Variants in ABCA8 observed in about 807,000 individuals in gnomAD.
ABCA8 encodes ATP binding cassette subfamily A member 8.
A neutral mutation model predicts 192.3 loss-of-function variants in ABCA8; 177 were observed. That is an observed-to-expected ratio of 0.92 (90% confidence interval 0.81 to 1.04). The LOEUF (loss-of-function observed/expected upper bound fraction) is 1.04. ABCA8 is among the 50% of genes least tolerant of loss of function. The pLI, the probability that ABCA8 is intolerant of heterozygous loss-of-function variation, is 0.00. For missense variants in ABCA8, 1,915 were observed against 1,904.8 expected (o/e 1.01, Z -0.10); for synonymous variants, 642 against 690.2 (o/e 0.93, Z 1.09).
intron 10 of ABCA8, among the ~76,000 whole-genome samples, chr17:68,925,675 A>G (rs558643463): frequency 1.6e-4 from 25 of 152,204 alleles, no homozygotes; most frequent in African/African-American, 5.5e-4. Context: ...AATGTCTTAC[A>G]CTCTCTGTAT....
Position 68,887,085 on chromosome 17 carries a change from A to G in ABCA8, c.3361T>C (p.Tyr1121His), listed in dbSNP as rs776663511. The G allele has an allele frequency of 3.7e-6, 6 of 1,612,950 alleles. No individual in the cohort carries two copies. Among genetic ancestry groups the G allele is most frequent in the Non-Finnish European group, 5.1e-6 (6 of 1,179,548 alleles). Residue 1121 changes from tyrosine to histidine, a missense_variant, in exon 26 of 40, where the codon TAC (tyrosine) becomes CAC (histidine). Transcript: ENST00000586539. ...TTGCGAAAGATGAAGGAAATCACGT[A>G]TGTCATGAAGATGAGGGAAAAGGAA... Reference protein sequence around the residue: ...GYSFSLIFMTYVISFIFRKGR... With the variant: ...GYSFSLIFMTHVISFIFRKGR...
chr17:68,940,659 T>G, intron 4 of ABCA8, 99 bp downstream of exon 4: 1 of 1,145,706 alleles, frequency 8.7e-7, no homozygotes, highest in South Asian at 1.4e-5. Flanking sequence ...CCAGAAAGTT[T>G]AATTATCAAA....
In ABCA8 at chr17:68,895,006, G is replaced by T. The variant is rs774093475; in HGVS notation, c.2772C>A (p.Ser924Arg). 1.9e-6 allele frequency: 3 copies of T among 1,607,266 alleles called. No individual in the cohort carries two copies. In the African/African-American group the frequency reaches 4.0e-5, roughly 22 times the overall value. Residue 924 changes from serine to arginine, a missense_variant, in exon 22 of 40, where the codon AGC (serine) becomes AGA (arginine). Transcript: ENST00000586539. ...CCACAGACTGTATAAAGTCATCAAT[G>T]CTTGCCCCTAAGGTGTAGTTAAAGA... ...QLLIINKTGA[S>R]IDDFIQSVEH...
At chr17:68,880,444 G>C (rs1448226467) in intron 32 of ABCA8, among the ~76,000 whole-genome samples, 1 of 152,130 alleles carries the variant, frequency 6.6e-6, no homozygotes, top group Non-Finnish European at 1.5e-5. Context: ...ACACAAACAG[G>C]GCTGAAACAT....
At chr17:68,913,038 T>G (rs77673693) in intron 17 of ABCA8, among the ~76,000 whole-genome samples, 153 of 152,190 alleles carry the variant, frequency 1.0e-3, no homozygotes, top group African/African-American at 3.6e-3. Flanking sequence ...AAATTGAAAT[T>G]ATACCAAATA....
At chr17:68,885,110 T>A in intron 27 of ABCA8, 86 bp downstream of exon 27, 1 of 1,418,264 alleles carries the variant, frequency 7.1e-7, no homozygotes, top group Non-Finnish European at 9.5e-7. Flanking sequence ...ACTTTAAACA[T>A]GTTGTAGTAG....
intron 13 of ABCA8, chr17:68,920,026 A>G (rs2067491513): frequency 6.6e-6 from 1 of 152,322 alleles, no homozygotes; most frequent in Non-Finnish European, 1.5e-5. Flanking sequence ...CAGACTAGAT[A>G]AAGAAAATGG....
intron 37 of ABCA8, among the ~76,000 whole-genome samples, chr17:68,871,086 A>G (rs1245284724): frequency 6.6e-6 from 1 of 152,106 alleles, no homozygotes; most frequent in Non-Finnish European, 1.5e-5. Context: ...GGCAATTTAT[A>G]ATAAAAATAA....
At chr17:68,881,356 C>T (rs923855128) in intron 31 of ABCA8, 145 bp from the exon 32 acceptor site, 5 of 640,338 alleles carry the variant, frequency 7.8e-6, no homozygotes, top group Non-Finnish European at 1.4e-5. Flanking sequence ...GTTATTTTAG[C>T]CCCTTCTTAT....
At chr17:68,928,390 G>A (rs2067760842) in intron 9 of ABCA8, among the ~76,000 whole-genome samples, 2 of 152,190 alleles carry the variant, frequency 1.3e-5, no homozygotes, top group Admixed American at 6.5e-5. Context: ...CAGTCAAAAG[G>A]TGTGGTGATC....
chr17:68,907,392 C>T (rs1029036499), intron 18 of ABCA8, among the ~76,000 whole-genome samples: 3 of 151,898 alleles, frequency 2.0e-5, no homozygotes, highest in Non-Finnish European at 4.4e-5. Flanking sequence ...CTCACCGAGA[C>T]AGATAGCCAC....
intron 17 of ABCA8, among the ~76,000 whole-genome samples, chr17:68,909,272 T>A (rs759791815): frequency 1.3e-5 from 2 of 152,188 alleles, no homozygotes; most frequent in African/African-American, 2.4e-5. Context: ...CTAGGCTTTG[T>A]AGGCTGTTAG....
In ABCA8 at chr17:68,932,412, A is replaced by G. The variant is rs751198514; in HGVS notation, c.673T>C (p.Tyr225His). Residue 225 changes from tyrosine (Y) to histidine (H), a missense_variant, in exon 7 of 40, where the codon TAC becomes CAC. Tyr to His is a moderately conservative substitution (Grantham distance 83). Coordinates refer to ENST00000586539, the MANE Select transcript of ABCA8 (RefSeq NM_001288985.2). ...AATGAAATAATGCAGGAAAAAAGGTACAAATCAGTTATAACTCCTGATTGA... is the reference window on the plus strand; with the variant it reads ...AATGAAATAATGCAGGAAAAAAGGTGCAAATCAGTTATAACTCCTGATTGA... ...IGQSGVITDL[Y>H]LFSCIISFSS... The G allele has an allele frequency of 2.5e-6, 4 of 1,613,966 alleles. No homozygotes were observed. Among genetic ancestry groups the G allele is most frequent in the East Asian group, 2.2e-5 (1 of 44,880 alleles).
At chr17:68,902,986 CA>C (rs2066952350) in intron 20 of ABCA8, 107 bp from the exon 21 acceptor site, 1 of 976,816 alleles carries the variant, frequency 1.0e-6, no homozygotes, top group African/African-American at 1.6e-5. Flanking sequence ...AAATTAAACA[CA>C]ATTAACTGTC....
At chr17:68,885,004 G>A (rs1180475147) in intron 27 of ABCA8, 192 bp downstream of exon 27, 1 of 634,682 alleles carries the variant, frequency 1.6e-6, no homozygotes, top group African/African-American at 2.0e-5. Flanking sequence ...TATTAATCAG[G>A]ACCAAATTTT....
intron 21 of ABCA8, among the ~76,000 whole-genome samples, chr17:68,898,940 T>C (rs924646409): frequency 4.6e-5 from 7 of 152,110 alleles, no homozygotes; most frequent in African/African-American, 1.4e-4. Flanking sequence ...TGATTTCATA[T>C]CTTTTAAAGA....
At chr17:68,902,599 GT>G in intron 21 of ABCA8, 113 bp downstream of exon 21, 2 of 848,978 alleles carry the variant, frequency 2.4e-6, no homozygotes, top group East Asian at 5.6e-5. Flanking sequence ...TTCATAAATT[GT>G]TTTTTAACAC....
chr17:68,874,703 T>C (rs1410108837), intron 37 of ABCA8, among the ~76,000 whole-genome samples: 2 of 152,236 alleles, frequency 1.3e-5, no homozygotes, highest in Non-Finnish European at 2.9e-5. Flanking sequence ...TTATCTATCA[T>C]CTGCTATAAA....
chr17:68,903,458 C>T lies in ABCA8; in HGVS notation c.2440G>A (p.Asp814Asn), dbSNP rs545924794. ...LGEVQAEKAD[D>N]TERLVEMEQV... ...TCCATCTCAACAAGCCTTTCAGTGT[C>T]GTCAGCTTTTTCCGCTTGTACTTCT... Residue 814 changes from aspartate (D) to asparagine (N), a missense_variant, in exon 20 of 40, where the codon GAC (aspartate) becomes AAC (asparagine). Transcript: ENST00000586539. The T allele has an allele frequency of 6.1e-5, 99 of 1,614,084 alleles. 1 individual carries two copies. In the South Asian group the frequency reaches 9.4e-4, roughly 15 times the overall value.
Sources: gnomAD v4.1 joint callset for allele counts (sites outside exome capture counted in the v4.1 genomes callset) on GRCh38, gnomAD v4.1.1 for gene constraint, MANE v1.5 for transcripts, NCBI Gene and HGNC (gene_info 2026-07-23, HGNC 2026-07-21) for gene names.